AOX1: variants seen among roughly 807,000 people sequenced by gnomAD.
AOX1 encodes the protein aldehyde oxidase.
Under a neutral mutation model 169.5 loss-of-function variants are expected in AOX1, and 153 were observed. The ratio of observed to expected loss-of-function variants is 0.90; its 90% CI spans 0.79 to 1.03. The LOEUF is 1.03. AOX1 is among the 50% of genes least tolerant of loss of function. AOX1 has a pLI of 0.00. For synonymous variants in AOX1, 562 were observed against 581.9 expected, an observed-to-expected ratio of 0.97 and a Z score of 0.49; for missense variants, 1,656 against 1,663.9, an observed-to-expected ratio of 1.00 and a Z score of 0.08.
chr2:200,586,246 G>T (rs2034028640), intron 1 of AOX1, 93 bp downstream of exon 1: 2 of 1,308,518 alleles, frequency 1.5e-6, no homozygotes, highest in Non-Finnish European at 2.1e-6. Flanking sequence ...TTTCGTGCCC[G>T]CCGTTTAAGG....
intron 7 of AOX1, 49 bp downstream of exon 7, chr2:200,603,405 G>C (rs1343853704): frequency 2.1e-6 from 3 of 1,444,578 alleles, no homozygotes; most frequent in Non-Finnish European, 2.9e-6. Context: ...ACATGAACAG[G>C]AGCCAACATA....
chr2:200,604,888 C>CTGGGG, intron 9 of AOX1, 48 bp downstream of exon 9: 2 of 775,322 alleles, frequency 2.6e-6, no homozygotes, highest in Admixed American at 1.9e-5. Context: ...AGAAAAAGGG[C>CTGGGG]TTGGGATGGG....
At chr2:200,652,578 G>A (rs1248349663) in intron 26 of AOX1, among the ~76,000 whole-genome samples, 1 of 152,194 alleles carries the variant, frequency 6.6e-6, no homozygotes, top group Non-Finnish European at 1.5e-5. Context: ...GTCTGTCCTT[G>A]TGCAGACTAG....
intron 25 of AOX1, among the ~76,000 whole-genome samples, chr2:200,643,550 T>A (rs961157669): frequency 9.2e-5 from 14 of 152,120 alleles, no homozygotes; most frequent in African/African-American, 3.1e-4. Flanking sequence ...GAATAACAAC[T>A]TGTTTTCCTC....
chr2:200,637,631 GTGTATA>G (rs995894254), intron 22 of AOX1, among the ~76,000 whole-genome samples: 7 of 151,820 alleles, frequency 4.6e-5, no homozygotes, highest in African/African-American at 1.7e-4. Flanking sequence ...ATGTATATGT[GTGTATA>G]TGTATATTTT....
chr2:200,594,704 T>G (rs1436843917), intron 2 of AOX1, among the ~76,000 whole-genome samples: 1 of 152,196 alleles, frequency 6.6e-6, no homozygotes, highest in Non-Finnish European at 1.5e-5. Context: ...CCCACCTAGC[T>G]GCAGAGGAGT....
In AOX1 at chr2:200,597,423, T is replaced by C; in HGVS notation, c.227T>C (p.Ile76Thr). 40 of 1,610,108 alleles carry C rather than the reference T, an allele frequency of 2.5e-5. No individual in the cohort carries two copies. Among genetic ancestry groups the C allele is most frequent in the Non-Finnish European group, 3.3e-5 (39 of 1,178,192 alleles). Residue 76 changes from isoleucine (I) to threonine (T), a missense_variant, in exon 4 of 35, where the codon ATT (isoleucine) becomes ACT (threonine). By Grantham distance (89) the Ile-to-Thr change is moderately conservative. Transcript: ENST00000374700. ...IRHHPANACL[I>T]PICSLYGAAV... ...CATCACCCAGCCAATGCCTGTCTGA[T>C]TCCCATCTGTTCTCTGTATGGTGCT...
At position 200,660,504 on chromosome 2, in the gene AOX1, G is replaced by T. The variant is rs550717669; in HGVS notation, c.3375+435G>T. Among the ~76,000 whole-genome samples, 283 of 152,232 alleles carry T rather than the reference G, an allele frequency of 1.9e-3. 1 individual carries two copies. Among genetic ancestry groups the T allele is most frequent in the African/African-American group, 6.5e-3 (269 of 41,532 alleles). ...TTTAGAAATAGGAAACCAAGCCAGT[G>T]GGTATATGTTCATCCAGTAATAGGT... On this transcript the variant is annotated intron_variant, in intron 29 of 34. Coordinates refer to ENST00000374700, the MANE Select transcript of AOX1 (RefSeq NM_001159.4).
At chr2:200,658,105 T>C (rs2035731564) in intron 27 of AOX1, among the ~76,000 whole-genome samples, 1 of 152,244 alleles carries the variant, frequency 6.6e-6, no homozygotes, top group South Asian at 2.1e-4. Flanking sequence ...TAACCTGTGA[T>C]CAAATCATTG....
intron 15 of AOX1, among the ~76,000 whole-genome samples, 158 bp downstream of exon 15, chr2:200,614,124 G>A (rs2034701004): frequency 6.6e-6 from 1 of 152,208 alleles, no homozygotes; most frequent in South Asian, 2.1e-4. Context: ...CTGTCTGTGG[G>A]TGGGTATGAG....
chr2:200,620,671 C>A lies in AOX1; in HGVS notation c.1726C>A (p.Pro576Thr), dbSNP rs571715712. 46 of 1,558,134 alleles carry A rather than the reference C, an allele frequency of 3.0e-5. No homozygotes were observed. The South Asian group carries it at 5.8e-4, about 20-fold the overall frequency. The change falls in exon 17 of 35, where the codon CCT becomes ACT. Residue 576 changes from proline (P) to threonine (T), a missense_variant. Coordinates refer to ENST00000374700, the MANE Select transcript of AOX1 (RefSeq NM_001159.4). Reference sequence around the variant, plus strand: ...ACAGAATATAGGCCCAAAGCAGCATCCTGAAGACCCAATTGGCCACCCCAT... The same window carrying A: ...ACAGAATATAGGCCCAAAGCAGCATACTGAAGACCCAATTGGCCACCCCAT... ...KYQNIGPKQH[P>T]EDPIGHPIMH...
At chr2:200,621,630 C>T (rs1021945658) in intron 18 of AOX1, among the ~76,000 whole-genome samples, 1 of 151,818 alleles carries the variant, frequency 6.6e-6, no homozygotes, top group Non-Finnish European at 1.5e-5. Context: ...GTGGTATCTG[C>T]ACCATGAAGC....
chr2:200,663,545 A>ACACAC (rs2035867351), intron 31 of AOX1, among the ~76,000 whole-genome samples: 4 of 117,710 alleles, frequency 3.4e-5, no homozygotes, highest in East Asian at 2.4e-4. Flanking sequence ...CATACACACA[A>ACACAC]ACACACACAC....
chr2:200,608,080 C>T (rs188883810), intron 10 of AOX1, among the ~76,000 whole-genome samples: 1 of 152,148 alleles, frequency 6.6e-6, no homozygotes, highest in East Asian at 1.9e-4. Context: ...CACATGTATA[C>T]CTATGTAACA....
At position 200,609,076 on chromosome 2, in the gene AOX1, T is replaced by G; in HGVS notation, c.1000T>G (p.Tyr334Asp). ...QKLPEEKTQM[Y>D]HALLKHLGTL... ...GCTTCCAGAGGAGAAGACACAGATG[T>G]ACCATGCTCTCCTGAAGCATTTGGG... is the stretch of plus-strand genomic sequence containing the variant. Residue 334 changes from tyrosine (Y) to aspartate (D), a missense_variant, in exon 11 of 35, where the codon TAC (tyrosine) becomes GAC (aspartate). Physicochemically the swap from Tyr to Asp is radical, Grantham distance 160. Coordinates refer to ENST00000374700, the MANE Select transcript of AOX1 (RefSeq NM_001159.4). 6.2e-7 allele frequency: 1 copy of G among 1,614,084 alleles called. No homozygotes were observed. Among genetic ancestry groups the G allele is most frequent in the Non-Finnish European group, 8.5e-7 (1 of 1,179,998 alleles).
rs775705625 is a variant in AOX1 at position 200,669,718 on chromosome 2, C to T, written c.3942C>T (p.Ala1314=). The T allele has an allele frequency of 1.9e-6, 3 of 1,612,708 alleles. No individual in the cohort carries two copies. The highest frequency in any genetic ancestry group is 1.7e-6 in the Non-Finnish European group (2 of 1,179,682). The change falls in exon 34 of 35, where the codon GCC becomes GCT. Residue 1314 remains alanine (A), a synonymous_variant. Coordinates refer to ENST00000374700, the MANE Select transcript of AOX1 (RefSeq NM_001159.4). The part of the protein sequence containing the change: ...SPLTPEKIRM[A]CEDKFTKMIP... ...TGACCCCGGAGAAGATTAGGATGGC[C>T]TGTGAAGACAAGTTCACAAAAATGG...
At chr2:200,643,472 G>A (rs1285325075) in intron 25 of AOX1, among the ~76,000 whole-genome samples, 1 of 151,718 alleles carries the variant, frequency 6.6e-6, no homozygotes, top group African/African-American at 2.4e-5. Context: ...TGGGCATTTG[G>A]GTTGGTTCCA....
chr2:200,669,289 C>CA (rs1416295498), intron 33 of AOX1, among the ~76,000 whole-genome samples: 8 of 151,938 alleles, frequency 5.3e-5, no homozygotes, highest in African/African-American at 1.9e-4. Context: ...GCTAAAAATA[C>CA]AAAAAAATAG....
intron 26 of AOX1, 132 bp downstream of exon 26, chr2:200,651,333 G>C: frequency 1.3e-6 from 1 of 754,894 alleles, no homozygotes; most frequent in Non-Finnish European, 2.2e-6. Context: ...TTTCACAAAA[G>C]CCACCAAAGT....
Sources: gnomAD v4.1 joint callset for allele counts (sites outside exome capture counted in the v4.1 genomes callset) on GRCh38, gnomAD v4.1.1 for gene constraint, MANE v1.5 for transcripts, NCBI Gene and HGNC (gene_info 2026-07-23, HGNC 2026-07-21) for gene names.